SCMH1: variants seen among roughly 807,000 people sequenced by gnomAD.
SCMH1 encodes the protein polycomb protein SCMH1.
SCMH1 carries 37 observed loss-of-function variants against 70.8 expected under a neutral mutation model. The observed-to-expected ratio is 0.52, with a 90% CI of 0.40 to 0.69. The LOEUF (loss-of-function observed/expected upper bound fraction) is 0.69. SCMH1 is among the 30% of genes least tolerant of loss of function. The probability of loss-of-function intolerance (pLI) is 0.00; values close to 1 mark genes in which losing one functional copy is unlikely to be tolerated. For synonymous variants in SCMH1, 292 were observed against 307.4 expected (o/e 0.95, Z 0.52); for missense variants, 607 against 827.3 (o/e 0.73, Z 3.27).
At chr1:41,033,948 G>A in intron 13 of SCMH1, 35 bp downstream of exon 14, 1 of 1,613,556 alleles carries the variant, frequency 6.2e-7, no homozygotes, top group Non-Finnish European at 8.5e-7. Context: ...ACAGGGCCTT[G>A]GGGAAGATAA....
At chr1:41,030,883 T>C (rs1644424569) in intron 13 of SCMH1, among the ~76,000 whole-genome samples, 1 of 152,224 alleles carries the variant, frequency 6.6e-6, no homozygotes, top group Admixed American at 6.5e-5. Flanking sequence ...ATATTTTTCT[T>C]TCTCTCCAAC....
chr1:41,037,581 TG>T, intron 12 of SCMH1, 40 bp from the exon 13 acceptor site: 28 of 1,578,010 alleles, frequency 1.8e-5, no homozygotes, highest in Non-Finnish European at 2.4e-5. Context: ...TTAGAAGGAC[TG>T]CCAGAGTGCT....
chr1:41,177,431 C>A (rs540151779), intron 2 of SCMH1, among the ~76,000 whole-genome samples: 31 of 151,914 alleles, frequency 2.0e-4, no homozygotes, highest in Non-Finnish European at 4.3e-4. Flanking sequence ...TTCAGACGAT[C>A]AAACGACTCC....
chr1:41,133,823 G>C (rs1239853501), intron 6 of SCMH1, among the ~76,000 whole-genome samples: 1 of 152,206 alleles, frequency 6.6e-6, no homozygotes, highest in Non-Finnish European at 1.5e-5. Context: ...TCCAGGACCA[G>C]ATGGATTCAT....
chr1:41,087,519 G>GAA (rs145525916), intron 8 of SCMH1, among the ~76,000 whole-genome samples: 3 of 144,154 alleles, frequency 2.1e-5, no homozygotes, highest in East Asian at 2.0e-4. Context: ...ACCTGTAAAA[G>GAA]AAAAAAAAAA....
chr1:41,083,944 T>A (rs1192663130), intron 8 of SCMH1, among the ~76,000 whole-genome samples: 1 of 152,174 alleles, frequency 6.6e-6, no homozygotes, highest in African/African-American at 2.4e-5. Context: ...TGAAACTGGA[T>A]CCCTTCCTTA....
At chr1:41,069,529 C>T (rs1256425828) in intron 10 of SCMH1, among the ~76,000 whole-genome samples, 2 of 152,052 alleles carry the variant, frequency 1.3e-5, no homozygotes, top group South Asian at 4.1e-4. Flanking sequence ...AATCAAAATA[C>T]CTTTTAAAAA....
At chr1:41,198,532 T>A (rs12759050) in intron 1 of SCMH1, among the ~76,000 whole-genome samples, 16,456 of 152,222 alleles carry the variant, frequency 0.11, 1,266 homozygotes, top group East Asian at 0.27. Context: ...TTGTTTTTTA[T>A]AACAGGAGCT....
intron 3 of SCMH1, 62 bp from the exon 4 acceptor site, chr1:41,160,960 G>C: frequency 1.4e-6 from 2 of 1,457,438 alleles, no homozygotes; most frequent in Non-Finnish European, 1.9e-6. Flanking sequence ...CATGATGGAA[G>C]GTGAAATTCT....
At chr1:41,049,525 A>G (rs1647251398) in intron 10 of SCMH1, among the ~76,000 whole-genome samples, 1 of 151,814 alleles carries the variant, frequency 6.6e-6, no homozygotes, top group Non-Finnish European at 1.5e-5. Flanking sequence ...TAATCCCAGC[A>G]CTTTGGGAGG....
At chr1:41,134,396 C>G (rs758841146) in intron 6 of SCMH1, among the ~76,000 whole-genome samples, 30 of 152,210 alleles carry the variant, frequency 2.0e-4, no homozygotes, top group Non-Finnish European at 3.5e-4. Context: ...CCCTCTCTCA[C>G]CACTCCTATT....
At chr1:41,118,064 T>A (rs984254100) in intron 6 of SCMH1, among the ~76,000 whole-genome samples, 1 of 152,196 alleles carries the variant, frequency 6.6e-6, no homozygotes, top group African/African-American at 2.4e-5. Context: ...GGGGCTGGAC[T>A]CTACATTATG....
intron 10 of SCMH1, among the ~76,000 whole-genome samples, chr1:41,069,647 A>G (rs1467233549): frequency 2.6e-5 from 4 of 152,230 alleles, no homozygotes; most frequent in African/African-American, 9.6e-5. Context: ...TATAAAGGTT[A>G]TTTGGACTAA....
chr1:41,228,325 CT>C (rs1458658076), intron 1 of SCMH1, among the ~76,000 whole-genome samples: 1 of 152,100 alleles, frequency 6.6e-6, no homozygotes, highest in African/African-American at 2.4e-5. Context: ...GAAACAAGTT[CT>C]GGAGATGGAT....
intron 1 of SCMH1, among the ~76,000 whole-genome samples, chr1:41,202,562 A>G (rs986175379): frequency 6.6e-6 from 1 of 152,136 alleles, no homozygotes; most frequent in Admixed American, 6.5e-5. Flanking sequence ...CCAAAAATTT[A>G]TTTCATCGAA....
intron 10 of SCMH1, among the ~76,000 whole-genome samples, chr1:41,052,041 CTTT>C (rs773534725): frequency 1.3e-5 from 2 of 152,120 alleles, no homozygotes; most frequent in Non-Finnish European, 2.9e-5. Flanking sequence ...TTACTGTATC[CTTT>C]TTATCTTTAT....
At chr1:41,151,548 G>C (rs1645078861) in intron 5 of SCMH1, 66 bp downstream of exon 5, 1 of 1,303,394 alleles carries the variant, frequency 7.7e-7, no homozygotes, top group Non-Finnish European at 1.1e-6. Flanking sequence ...CTCCTGTTTT[G>C]ATTGTCTAAA....
intron 1 of SCMH1, among the ~76,000 whole-genome samples, chr1:41,192,695 C>T (rs1468038793): frequency 6.6e-6 from 1 of 152,194 alleles, no homozygotes; most frequent in Non-Finnish European, 1.5e-5. Flanking sequence ...TTCCCTCTTT[C>T]TCAATCCAAA....
intron 4 of SCMH1, chr1:41,152,739 A>G: frequency 2.5e-6 from 4 of 1,605,032 alleles, no homozygotes; most frequent in Non-Finnish European, 3.4e-6. Flanking sequence ...AAAGCACTAG[A>G]TGCTGGGAAT....
Sources: gnomAD v4.1 joint callset for allele counts (sites outside exome capture counted in the v4.1 genomes callset) on GRCh38, gnomAD v4.1.1 for gene constraint, MANE v1.5 for transcripts, NCBI Gene and HGNC (gene_info 2026-07-23, HGNC 2026-07-21) for gene names.